Variants in UBR4 observed in about 807,000 individuals in gnomAD.
The protein encoded by UBR4 is E3 ubiquitin-protein ligase UBR4.
UBR4 carries 124 observed loss-of-function variants against 575.6 expected under a neutral mutation model. The observed-to-expected ratio is 0.22, with a 90% confidence interval of 0.19 to 0.25. UBR4 has a LOEUF of 0.25. Among genes scored for constraint, UBR4 ranks in the 10% least tolerant of loss-of-function variants. The pLI is 1.00. For missense variants in UBR4, 4,818 were observed against 6,478.8 expected (o/e 0.74, Z 8.80); for synonymous variants, 2,455 against 2,473.7 (o/e 0.99, Z 0.22).
At chr1:19,122,087 G>A (rs1399894393) in intron 66 of UBR4, 75 bp from the exon 67 acceptor site, 14 of 1,470,050 alleles carry the variant, frequency 9.5e-6, no homozygotes, top group Admixed American at 1.7e-5. Flanking sequence ...CTGCTGCCTG[G>A]AGCCATCTCC....
At chr1:19,174,473 A>G in intron 21 of UBR4, 26 bp from the exon 22 acceptor site, 1 of 1,601,768 alleles carries the variant, frequency 6.2e-7, no homozygotes, top group Non-Finnish European at 8.5e-7. Flanking sequence ...AAAGAGAGTC[A>G]TTTCCTTACT....
In UBR4 at chr1:19,146,048, C is replaced by A. The variant is rs775751124; in HGVS notation, c.7805-115G>T. 8.2e-5 allele frequency: 130 copies of A among 1,580,746 alleles called. 3 individuals carry two copies. The South Asian group carries it at 1.5e-3, about 18-fold the overall frequency. On this transcript the variant is annotated intron_variant, in intron 52 of 105. Transcript: ENST00000375254. Reference sequence around the variant, plus strand: ...CTGGGGAGGGAGTTTCAAGTGGGGCCCCAATCAATATGCCAACTATCCCTA... The same window carrying A: ...CTGGGGAGGGAGTTTCAAGTGGGGCACCAATCAATATGCCAACTATCCCTA...
chr1:19,133,007 G>A (rs1310882890), intron 60 of UBR4, among the ~76,000 whole-genome samples: 3 of 152,156 alleles, frequency 2.0e-5, no homozygotes, highest in Admixed American at 2.0e-4. Flanking sequence ...TTACTTCACT[G>A]ACTGGTGAAC....
Position 19,110,241 on chromosome 1 carries a change from A to G in UBR4, c.11978-18T>C. 1 of 1,614,222 alleles carries G rather than the reference A, an allele frequency of 6.2e-7. No homozygotes were observed. The highest frequency in any genetic ancestry group is 8.5e-7 in the Non-Finnish European group (1 of 1,180,028). ...GCTGAGAGCTAGGGATGGTCAGGAAAGGCAGAGTCACAATCAGGAACACTA... is the reference window on the plus strand; with the variant it reads ...GCTGAGAGCTAGGGATGGTCAGGAAGGGCAGAGTCACAATCAGGAACACTA... On this transcript the variant is annotated intron_variant, in intron 80 of 105. Coordinates refer to ENST00000375254, the MANE Select transcript of UBR4 (RefSeq NM_020765.3). This position sits in a 1 kb window ranked among gnomAD's most constrained non-coding sequence, Gnocchi z 4.5.
intron 1 of UBR4, among the ~76,000 whole-genome samples, chr1:19,208,224 T>C (rs1007553521): frequency 5.9e-5 from 9 of 152,122 alleles, no homozygotes; most frequent in Non-Finnish European, 1.2e-4. Flanking sequence ...TTCCAGCACT[T>C]TGGGAGGCCA....
intron 93 of UBR4, 54 bp downstream of exon 93, chr1:19,095,491 C>T: frequency 6.4e-7 from 1 of 1,553,964 alleles, no homozygotes; most frequent in South Asian, 1.1e-5. Context: ...AGAGGTCTTT[C>T]ACACCCAGAC....
chr1:19,077,882 G>A (rs776895291), intron 104 of UBR4, 94 bp downstream of exon 104: 1 of 1,604,994 alleles, frequency 6.2e-7, no homozygotes, highest in South Asian at 1.1e-5. Context: ...CAGCGGAGGA[G>A]CAGCCATGTG....
intron 9 of UBR4, among the ~76,000 whole-genome samples, chr1:19,192,789 T>C (rs1247606850): frequency 6.7e-6 from 1 of 149,520 alleles, no homozygotes; most frequent in African/African-American, 2.5e-5. Flanking sequence ...TCAGATCACT[T>C]TTTTTTTTTT....
chr1:19,188,290 A>G (rs1331715263), intron 11 of UBR4, among the ~76,000 whole-genome samples: 2 of 152,252 alleles, frequency 1.3e-5, no homozygotes, highest in African/African-American at 4.8e-5. Context: ...GCAGTGGCTC[A>G]TGCCTATAAT....
At chr1:19,081,278 T>C (rs971519683) in intron 103 of UBR4, 71 bp downstream of exon 103, 12 of 1,355,466 alleles carry the variant, frequency 8.9e-6, no homozygotes, top group Non-Finnish European at 1.1e-5. Flanking sequence ...AGCACGTGCG[T>C]ACCACTAAGC....
At chr1:19,136,807 TAGA>T (rs1357785970) in intron 60 of UBR4, among the ~76,000 whole-genome samples, 3 of 152,194 alleles carry the variant, frequency 2.0e-5, no homozygotes, top group African/African-American at 4.8e-5. Context: ...AGAAAAATGT[TAGA>T]AGATTTTTTT....
At chr1:19,190,312 A>AAAAAAATATATAT in intron 11 of UBR4, among the ~76,000 whole-genome samples, 25 of 79,890 alleles carry the variant, frequency 3.1e-4, no homozygotes, top group African/African-American at 9.6e-4. Flanking sequence ...AAAAAAAAAA[A>AAAAAAATATATAT]ATATATATAT....
At chr1:19,084,948 G>A (rs1204680409) in intron 101 of UBR4, among the ~76,000 whole-genome samples, 1 of 152,116 alleles carries the variant, frequency 6.6e-6, no homozygotes, top group Non-Finnish European at 1.5e-5. Context: ...ACCACTCTTG[G>A]GCGCCCATTT....
At chr1:19,187,391 A>G (rs1197095164) in intron 12 of UBR4, 50 bp downstream of exon 12, 1 of 1,612,154 alleles carries the variant, frequency 6.2e-7, no homozygotes, top group East Asian at 2.2e-5. Flanking sequence ...CTTGGCCAGA[A>G]GTGGATCCCG....
Position 19,095,035 on chromosome 1 carries a change from A to G in UBR4, c.13627-10T>C. 1 of 1,614,070 alleles carries G rather than the reference A, an allele frequency of 6.2e-7. No individual in the cohort carries two copies. The highest frequency in any genetic ancestry group is 8.5e-7 in the Non-Finnish European group (1 of 1,179,984). ...GTTCAGCTACAAGGGCCTGTAGGAG[A>G]AGGAGACTCAGTCACTCTCAGAATA... On this transcript the variant is annotated splice_polypyrimidine_tract_variant and intron_variant, in intron 93 of 105. Coordinates refer to ENST00000375254, the MANE Select transcript of UBR4 (RefSeq NM_020765.3).
chr1:19,208,456 G>T (rs909645039), intron 1 of UBR4, among the ~76,000 whole-genome samples: 4 of 67,804 alleles, frequency 5.9e-5, no homozygotes, highest in East Asian at 5.7e-4. Flanking sequence ...GACAGAGCAA[G>T]AATCCATCTC....
At chr1:19,082,919 C>T (rs1275935218) in intron 102 of UBR4, among the ~76,000 whole-genome samples, 1 of 152,194 alleles carries the variant, frequency 6.6e-6, no homozygotes, top group Non-Finnish European at 1.5e-5. Flanking sequence ...CCCACTGTGA[C>T]CAAGCTCCCA....
At chr1:19,158,598 C>G (rs1345414653) in intron 39 of UBR4, among the ~76,000 whole-genome samples, 1 of 152,012 alleles carries the variant, frequency 6.6e-6, no homozygotes, top group Non-Finnish European at 1.5e-5. Flanking sequence ...GCTGAGACCA[C>G]AGGCATGCAC....
In UBR4 at chr1:19,110,823, T is replaced by C; in HGVS notation, c.11811A>G (p.Pro3937=). ...QLMCLLTRDN[P]EATQQMNDLI... ...GGTCATTCATCTGTTGGGTGGCTTC[T>C]GGGTTGTCTCTGCAGAAGCAAATAG... Residue 3937 remains proline (P), a synonymous_variant, in exon 79 of 106, where the codon CCA becomes CCG. Transcript: ENST00000375254. The surrounding 1 kb of genome is among the most constrained non-coding windows in gnomAD (Gnocchi z 4.5). 1.2e-6 allele frequency: 2 copies of C among 1,614,122 alleles called. No homozygotes were observed. The highest frequency in any genetic ancestry group is 1.7e-6 in the Non-Finnish European group (2 of 1,179,994).
Sources: gnomAD v4.1 joint callset for allele counts (sites outside exome capture counted in the v4.1 genomes callset) on GRCh38, gnomAD v4.1.1 for gene constraint, Gnocchi (gnomAD v3.1) non-coding constraint, MANE v1.5 for transcripts, NCBI Gene and HGNC (gene_info 2026-07-23, HGNC 2026-07-21) for gene names.